COL11A1: variants seen among roughly 807,000 people sequenced by gnomAD.
The protein encoded by COL11A1 is collagen type XI alpha 1 chain.
COL11A1 carries 74 observed loss-of-function variants against 265.2 expected under a neutral mutation model. The observed-to-expected ratio is 0.28, with a 90% CI of 0.23 to 0.34. The LOEUF (loss-of-function observed/expected upper bound fraction) is 0.34. Ranked by LOEUF, COL11A1 falls within the 10% of genes least tolerant of loss-of-function variation. The pLI, the probability that COL11A1 is intolerant of heterozygous loss-of-function variation, is 1.00. For synonymous variants in COL11A1, 816 were observed against 727.6 expected (o/e 1.12, Z -1.96); for missense variants, 2,165 against 2,263.6 (o/e 0.96, Z 0.88).
chr1:103,045,093 T>C (rs1275013063), intron 4 of COL11A1, among the ~76,000 whole-genome samples: 1 of 151,820 alleles, frequency 6.6e-6, no homozygotes, highest in Non-Finnish European at 1.5e-5. Context: ...AGGCAAGAGA[T>C]TAATTAATAT....
chr1:102,971,866 T>TCAAAAAA (rs112823318), intron 36 of COL11A1, among the ~76,000 whole-genome samples: 3,535 of 152,194 alleles, frequency 0.023, 52 homozygotes, highest in Middle Eastern at 0.075. Flanking sequence ...ATCCTCTTCT[T>TCAAAAAA]CAAAAAACAA....
chr1:103,029,658 G>A (rs1667824805), intron 5 of COL11A1, among the ~76,000 whole-genome samples: 1 of 151,964 alleles, frequency 6.6e-6, no homozygotes, highest in Admixed American at 6.6e-5. Flanking sequence ...AGTTTCTACT[G>A]TAACAATGTG....
intron 54 of COL11A1, among the ~76,000 whole-genome samples, chr1:102,902,900 A>G (rs1653408019): frequency 6.6e-6 from 1 of 151,562 alleles, no homozygotes; most frequent in Non-Finnish European, 1.5e-5. Context: ...TATATTATAT[A>G]TATGATGTGT....
At chr1:103,014,765 C>T (rs1297761287) in intron 12 of COL11A1, among the ~76,000 whole-genome samples, 171 bp from the exon 13 acceptor site, 2 of 151,994 alleles carry the variant, frequency 1.3e-5, no homozygotes, top group Admixed American at 6.6e-5. Flanking sequence ...TTGCTCTTTC[C>T]ATTTCTTCTG....
In COL11A1 at chr1:103,025,599, A is replaced by C; in HGVS notation, c.912T>G (p.Asp304Glu). 1 of 1,613,602 alleles carries C rather than the reference A, an allele frequency of 6.2e-7. No individual in the cohort carries two copies. Among genetic ancestry groups the C allele is most frequent in the Non-Finnish European group, 8.5e-7 (1 of 1,179,682 alleles). Residue 304 changes from aspartate (D) to glutamate (E), a missense_variant, in exon 7 of 67, where the codon GAT becomes GAG. Asp to Glu is a conservative substitution (Grantham distance 45, BLOSUM62 2). Transcript: ENST00000370096. ...TTCCATAGTTGTATTCTTGAAAATC[A>C]TCAACGATGTTTGCCTAATGGTAAA... ...TIAQTEANIV[D>E]DFQEYNYGTM... is the part of the protein sequence containing the mutation.
At chr1:102,928,401 T>G (rs1238283229) in intron 46 of COL11A1, among the ~76,000 whole-genome samples, 2 of 151,898 alleles carry the variant, frequency 1.3e-5, no homozygotes, top group Non-Finnish European at 2.9e-5. Flanking sequence ...ATTTCCAATT[T>G]CATCCATGTC....
chr1:102,898,701 C>T lies in COL11A1; in HGVS notation c.4213G>A (p.Gly1405Ser), dbSNP rs376137502. 3.7e-6 allele frequency: 6 copies of T among 1,612,716 alleles called. No homozygotes were observed. The African/African-American group carries it at 4.0e-5, about 11-fold the overall frequency. ...VGPQGPAGKP[G>S]PEGLRGIPGP... Reference sequence around the variant, plus strand: ...GGGATGCCCCGAAGACCTTCTGGACCAGGCTTTCCTGCAGGTCCCTGAGGA... The same window carrying T: ...GGGATGCCCCGAAGACCTTCTGGACTAGGCTTTCCTGCAGGTCCCTGAGGA... The change falls in exon 56 of 67, where the codon GGT (glycine) becomes AGT (serine). Residue 1405 changes from glycine (G) to serine (S), a missense_variant. By Grantham distance (56) the Gly-to-Ser change is moderately conservative. Coordinates refer to ENST00000370096, the MANE Select transcript of COL11A1 (RefSeq NM_001854.4).
chr1:103,098,217 T>C (rs1558054141), intron 1 of COL11A1, among the ~76,000 whole-genome samples: 1 of 151,980 alleles, frequency 6.6e-6, no homozygotes, highest in Non-Finnish European at 1.5e-5. Context: ...ATATTGTAAT[T>C]AGTTGATCTC....
intron 2 of COL11A1, among the ~76,000 whole-genome samples, chr1:103,080,717 T>C (rs115369409): frequency 6.6e-6 from 1 of 151,842 alleles, no homozygotes; most frequent in Admixed American, 6.6e-5. Context: ...ATACTATTGG[T>C]GAAAATGTAA....
At chr1:102,968,016 A>C (rs1157076787) in intron 37 of COL11A1, among the ~76,000 whole-genome samples, 1 of 152,216 alleles carries the variant, frequency 6.6e-6, no homozygotes, top group Non-Finnish European at 1.5e-5. Context: ...GGAAGACAGC[A>C]TTGCCCATAT....
intron 12 of COL11A1, 62 bp from the exon 13 acceptor site, chr1:103,014,656 C>T (rs1666415175): frequency 7.2e-7 from 1 of 1,382,154 alleles, no homozygotes; most frequent in South Asian, 1.2e-5. Flanking sequence ...GAATTACGTG[C>T]TTTGATCATT....
chr1:102,996,063 C>T (rs1664595402), intron 26 of COL11A1, 21 bp from the exon 27 acceptor site: 1 of 1,609,412 alleles, frequency 6.2e-7, no homozygotes, highest in South Asian at 1.1e-5. Flanking sequence ...TGAATTACCA[C>T]TTATACGTGT....
At chr1:102,944,647 A>G (rs1440462709) in intron 42 of COL11A1, among the ~76,000 whole-genome samples, 2 of 152,104 alleles carry the variant, frequency 1.3e-5, no homozygotes, top group Admixed American at 1.3e-4. Flanking sequence ...ATCGGTTTCA[A>G]TGTTTTTTGA....
intron 24 of COL11A1, chr1:103,001,700 A>T (rs1280552341): frequency 3.5e-6 from 2 of 575,628 alleles, no homozygotes; most frequent in African/African-American, 3.7e-5. Context: ...AGAATGCCAC[A>T]TTTGGAAGCT....
chr1:103,041,934 T>C (rs1668841821), intron 4 of COL11A1, among the ~76,000 whole-genome samples: 1 of 151,956 alleles, frequency 6.6e-6, no homozygotes, highest in Non-Finnish European at 1.5e-5. Flanking sequence ...ACAATATAGG[T>C]TCGTTATTTT....
At chr1:103,012,520 T>C in intron 13 of COL11A1, 51 bp from the exon 14 acceptor site, 1 of 1,387,284 alleles carries the variant, frequency 7.2e-7, no homozygotes, top group Non-Finnish European at 1.0e-6. Context: ...GAAGAGCACA[T>C]TAAAGTACAA....
intron 1 of COL11A1, among the ~76,000 whole-genome samples, chr1:103,086,565 C>G (rs148992614): frequency 4.6e-5 from 7 of 151,992 alleles, no homozygotes; most frequent in African/African-American, 1.7e-4. Flanking sequence ...TCCAGGCGCC[C>G]GCCACCACGC....
intron 4 of COL11A1, among the ~76,000 whole-genome samples, chr1:103,043,025 GAT>G (rs1446031385): frequency 7.2e-6 from 1 of 139,244 alleles, no homozygotes; most frequent in Non-Finnish European, 1.5e-5. Context: ...AAATATATAT[GAT>G]ATATATTAAA....
intron 1 of COL11A1, among the ~76,000 whole-genome samples, chr1:103,086,571 C>T (rs1558041526): frequency 6.6e-6 from 1 of 152,132 alleles, no homozygotes; most frequent in Non-Finnish European, 1.5e-5. Context: ...CGCCCGCCAC[C>T]ACGCCCGGCT....
Sources: allele counts gnomAD v4.1 joint callset (sites outside exome capture counted in the v4.1 genomes callset), GRCh38; gene constraint gnomAD v4.1.1; transcripts MANE v1.5; gene names NCBI Gene and HGNC (gene_info 2026-07-23, HGNC 2026-07-21).